SLC35F1: variants seen among roughly 807,000 people sequenced by gnomAD.
SLC35F1 encodes chromosome 6 open reading frame 169.
In SLC35F1, 14 loss-of-function variants were observed where a neutral mutation model predicts 48.7. The observed-to-expected ratio is 0.29, with a 90% CI of 0.19 to 0.45. SLC35F1 has a LOEUF of 0.45. SLC35F1 is among the 20% of genes least tolerant of loss of function. The pLI, the probability that SLC35F1 is intolerant of heterozygous loss-of-function variation, is 1.00. For missense variants in SLC35F1, 404 were observed against 500.0 expected (o/e 0.81, Z 1.83); for synonymous variants, 190 against 202.2 (o/e 0.94, Z 0.51).
chr6:117,999,760 A>G (rs1302275707), intron 1 of SLC35F1, among the ~76,000 whole-genome samples: 1 of 151,480 alleles, frequency 6.6e-6, no homozygotes, highest in Non-Finnish European at 1.5e-5. Context: ...AAAATGATAA[A>G]GGGGATATCA....
intron 2 of SLC35F1, among the ~76,000 whole-genome samples, chr6:118,195,662 C>T (rs1774791079): frequency 6.6e-6 from 1 of 152,204 alleles, no homozygotes; most frequent in South Asian, 2.1e-4. Context: ...AGGCCTCTAA[C>T]TGGATCCAAG....
chr6:117,987,800 T>A (rs1776866934), intron 1 of SLC35F1, among the ~76,000 whole-genome samples: 1 of 152,330 alleles, frequency 6.6e-6, no homozygotes, highest in African/African-American at 2.4e-5. Flanking sequence ...ATTATATGCC[T>A]GGCAATTTTT....
intron 1 of SLC35F1, among the ~76,000 whole-genome samples, chr6:118,147,815 T>C (rs1582694164): frequency 6.6e-6 from 1 of 152,166 alleles, no homozygotes; most frequent in South Asian, 2.1e-4. Context: ...GTTTCTCTTA[T>C]CTAATTAGAA....
intron 1 of SLC35F1, among the ~76,000 whole-genome samples, chr6:117,926,496 G>A (rs551130693): frequency 6.6e-6 from 1 of 151,938 alleles, no homozygotes; most frequent in Non-Finnish European, 1.5e-5. Flanking sequence ...ATTAAAAGAG[G>A]AGTGTGTGTG....
intron 3 of SLC35F1, among the ~76,000 whole-genome samples, chr6:118,265,731 T>C (rs1775765371): frequency 6.6e-6 from 1 of 152,186 alleles, no homozygotes; most frequent in Non-Finnish European, 1.5e-5. Context: ...CAATAGGATA[T>C]AGGCAATGAA....
chr6:118,309,202 T>TGTGTGC (rs1554246873), intron 7 of SLC35F1, among the ~76,000 whole-genome samples: 1 of 149,496 alleles, frequency 6.7e-6, no homozygotes, highest in African/African-American at 2.5e-5. Context: ...TGTGTGTGTG[T>TGTGTGC]GCGTGTGTGT....
chr6:118,070,928 T>TATACTATATATACATAGTA (rs1772696880), intron 1 of SLC35F1, among the ~76,000 whole-genome samples: 1 of 85,292 alleles, frequency 1.2e-5, no homozygotes, highest in African/African-American at 4.3e-5. Flanking sequence ...AGTAAATATA[T>TATACTATATATACATAGTA]ATACTATATA....
chr6:117,941,284 G>A (rs1379535293), intron 1 of SLC35F1, among the ~76,000 whole-genome samples: 1 of 152,000 alleles, frequency 6.6e-6, no homozygotes, highest in Non-Finnish European at 1.5e-5. Context: ...AGTTTTTTTG[G>A]GTTAGATGAG....
intron 7 of SLC35F1, among the ~76,000 whole-genome samples, chr6:118,286,821 T>A (rs1776056344): frequency 7.3e-6 from 1 of 136,634 alleles, no homozygotes; most frequent in Non-Finnish European, 1.6e-5. Context: ...GTGTGTGTGG[T>A]GAGAATACTT....
At chr6:118,050,959 T>A (rs148264714) in intron 1 of SLC35F1, among the ~76,000 whole-genome samples, 8 of 152,250 alleles carry the variant, frequency 5.3e-5, no homozygotes, top group African/African-American at 1.9e-4. Context: ...TGGAACTGCA[T>A]GTTCTCCAGC....
chr6:118,166,250 A>T (rs891560091), intron 2 of SLC35F1, among the ~76,000 whole-genome samples: 1 of 152,174 alleles, frequency 6.6e-6, no homozygotes, highest in Non-Finnish European at 1.5e-5. Context: ...AGTGGCCACT[A>T]GGGTATCATT....
chr6:118,173,389 A>C (rs1478471717), intron 2 of SLC35F1, among the ~76,000 whole-genome samples: 3 of 130,216 alleles, frequency 2.3e-5, no homozygotes, highest in African/African-American at 7.9e-5. Context: ...GTTAGTTAAA[A>C]AAAAAACAAA....
intron 2 of SLC35F1, among the ~76,000 whole-genome samples, chr6:118,195,047 T>C (rs1314967521): frequency 6.6e-6 from 1 of 152,212 alleles, no homozygotes; most frequent in East Asian, 1.9e-4. Flanking sequence ...TTAGCCACTC[T>C]GCTTAGCACC....
At chr6:118,152,457 T>C (rs1295957789) in intron 1 of SLC35F1, among the ~76,000 whole-genome samples, 1 of 152,190 alleles carries the variant, frequency 6.6e-6, no homozygotes, top group African/African-American at 2.4e-5. Context: ...GTTCTTCAAT[T>C]AGGCAGCAAT....
chr6:118,282,320 C>G (rs988262957), intron 6 of SLC35F1, among the ~76,000 whole-genome samples: 1 of 152,196 alleles, frequency 6.6e-6, no homozygotes, highest in African/African-American at 2.4e-5. Flanking sequence ...CTATGCTTTG[C>G]TTGGGAAACA....
intron 1 of SLC35F1, chr6:117,999,016 A>G (rs1376483101): frequency 2.8e-6 from 4 of 1,429,548 alleles, no homozygotes; most frequent in Non-Finnish European, 3.9e-6. Flanking sequence ...ACCAGTCCCG[A>G]AAATGGCACA....
At chr6:118,159,400 T>A (rs1037771479) in intron 2 of SLC35F1, among the ~76,000 whole-genome samples, 3 of 152,110 alleles carry the variant, frequency 2.0e-5, no homozygotes, top group Non-Finnish European at 4.4e-5. Flanking sequence ...GTAACCACTT[T>A]GAGAAGTTAG....
chr6:118,230,580 A>T (rs1195079479), intron 2 of SLC35F1, among the ~76,000 whole-genome samples: 1 of 152,176 alleles, frequency 6.6e-6, no homozygotes, highest in East Asian at 1.9e-4. Flanking sequence ...TTTACAGTAA[A>T]CCTTCACATA....
chr6:118,125,930 T>G (rs570299914), intron 1 of SLC35F1, among the ~76,000 whole-genome samples: 1 of 152,278 alleles, frequency 6.6e-6, no homozygotes, highest in South Asian at 2.1e-4. Context: ...ATCGCTGTTC[T>G]TTTTTTTAGT....
Sources: allele counts gnomAD v4.1 joint callset (sites outside exome capture counted in the v4.1 genomes callset), GRCh38; gene constraint gnomAD v4.1.1; transcripts MANE v1.5; gene names NCBI Gene and HGNC (gene_info 2026-07-23, HGNC 2026-07-21).